The following RBFOX1 variants were observed in gnomAD, a reference collection of about 807,000 sequenced individuals.
RBFOX1 encodes the protein RNA binding protein fox-1 homolog 1.
In RBFOX1, 8 loss-of-function variants were observed where a neutral mutation model predicts 57.7. The ratio of observed to expected loss-of-function variants is 0.14; its 90% confidence interval spans 0.08 to 0.25. The LOEUF is 0.25. Ranked by LOEUF, RBFOX1 falls within the 10% of genes least tolerant of loss-of-function variation. RBFOX1 has a pLI of 1.00. For synonymous variants in RBFOX1, 326 were observed against 222.4 expected (o/e 1.47, Z -4.15); for missense variants, 611 against 548.5 (o/e 1.11, Z -1.14).
At chr16:5,409,303 G>C (rs1486058951) in intron 1 of RBFOX1, among the ~76,000 whole-genome samples, 1 of 152,152 alleles carries the variant, frequency 6.6e-6, no homozygotes, top group Non-Finnish European at 1.5e-5. Flanking sequence ...GAGCCCCCCA[G>C]GTGTGTCCAC....
chr16:6,602,774 G>A (rs957334848), intron 2 of RBFOX1, among the ~76,000 whole-genome samples: 4 of 152,086 alleles, frequency 2.6e-5, no homozygotes, highest in African/African-American at 9.7e-5. Flanking sequence ...CATTCCTCTT[G>A]CTATCATTTA....
At chr16:6,337,399 C>T (rs1388138936) in intron 2 of RBFOX1, among the ~76,000 whole-genome samples, 1 of 152,116 alleles carries the variant, frequency 6.6e-6, no homozygotes, top group Non-Finnish European at 1.5e-5. Flanking sequence ...CAAAGTTGTT[C>T]CAGGATAACC....
chr16:7,324,369 A>G (rs566374447), intron 4 of RBFOX1, among the ~76,000 whole-genome samples: 85 of 150,266 alleles, frequency 5.7e-4, no homozygotes, highest in Admixed American at 3.2e-3. Context: ...CAGCTCCTGT[A>G]GGGTCCTGGA....
At chr16:6,679,908 T>G (rs2058370483) in intron 3 of RBFOX1, among the ~76,000 whole-genome samples, 1 of 133,518 alleles carries the variant, frequency 7.5e-6, no homozygotes, top group African/African-American at 3.0e-5. Flanking sequence ...TTTTTTTTCA[T>G]ACTTTTCTGA....
intron 2 of RBFOX1, among the ~76,000 whole-genome samples, chr16:6,399,307 T>G (rs1000815910): frequency 1.3e-5 from 2 of 152,198 alleles, no homozygotes; most frequent in African/African-American, 4.8e-5. Flanking sequence ...CCTGGAAACA[T>G]TTTCCCCATT....
intron 4 of RBFOX1, among the ~76,000 whole-genome samples, chr16:7,096,525 C>G (rs922303978): frequency 6.6e-6 from 1 of 152,116 alleles, no homozygotes; most frequent in East Asian, 1.9e-4. Context: ...GGCCAATTTT[C>G]TTGCACCTGG....
intron 3 of RBFOX1, among the ~76,000 whole-genome samples, chr16:7,000,724 C>T (rs1243510469): frequency 1.3e-5 from 2 of 151,436 alleles, no homozygotes; most frequent in African/African-American, 2.4e-5. Flanking sequence ...CCTGCCTCAG[C>T]CTCCCAAGTA....
intron 3 of RBFOX1, among the ~76,000 whole-genome samples, chr16:6,905,552 C>CAAAAAA: frequency 7.0e-6 from 1 of 143,358 alleles, no homozygotes. Flanking sequence ...GACTCCATCT[C>CAAAAAA]AAAAAAAAAA....
At chr16:5,495,457 A>G (rs930773830) in intron 2 of RBFOX1, among the ~76,000 whole-genome samples, 6 of 152,180 alleles carry the variant, frequency 3.9e-5, no homozygotes, top group African/African-American at 1.2e-4. Flanking sequence ...ACCTCCTACC[A>G]GGCCTCACCT....
chr16:5,501,677 G>A (rs896758595), intron 2 of RBFOX1, among the ~76,000 whole-genome samples: 2 of 152,114 alleles, frequency 1.3e-5, no homozygotes, highest in Non-Finnish European at 2.9e-5. Flanking sequence ...CACAGTTCAT[G>A]GTGTGTGGGT....
In RBFOX1 at chr16:6,278,944, A is replaced by G. The variant is rs576648392; in HGVS notation, c.-126-38051A>G. Among the ~76,000 whole-genome samples the G allele has an allele frequency of 1.1e-4, 16 of 152,212 alleles. No homozygotes were observed. The East Asian group carries it at 2.5e-3, about 24-fold the overall frequency. On this transcript the variant is annotated intron_variant, in intron 1 of 15. Coordinates refer to ENST00000550418, the MANE Select transcript of RBFOX1 (RefSeq NM_018723.4). ...AAGGTTGAGATATGTCTAACCCGTT[A>G]TGTGAGTTTGAAACAAGGTTTGTGT...
At chr16:7,295,289 A>G (rs1290365688) in intron 4 of RBFOX1, among the ~76,000 whole-genome samples, 1 of 152,206 alleles carries the variant, frequency 6.6e-6, no homozygotes, top group East Asian at 1.9e-4. Context: ...TTACAAAAAG[A>G]AAATTGTATC....
At chr16:7,520,262 G>A (rs922840195) in intron 5 of RBFOX1, among the ~76,000 whole-genome samples, 8 of 152,026 alleles carry the variant, frequency 5.3e-5, no homozygotes, top group Admixed American at 4.6e-4. Context: ...AATTTATTGT[G>A]GTAAAATACA....
At chr16:6,117,749 T>C (rs1404649450) in intron 1 of RBFOX1, among the ~76,000 whole-genome samples, 1 of 152,252 alleles carries the variant, frequency 6.6e-6, no homozygotes, top group Non-Finnish European at 1.5e-5. Context: ...TATTTTGTTA[T>C]AGCTGCACAA....
chr16:6,884,977 T>C (rs1192089366), intron 3 of RBFOX1, among the ~76,000 whole-genome samples: 2 of 152,218 alleles, frequency 1.3e-5, no homozygotes, highest in African/African-American at 2.4e-5. Flanking sequence ...CAGATCTATC[T>C]TATTCTAAAG....
At chr16:5,526,343 C>G (rs1487589412) in intron 2 of RBFOX1, among the ~76,000 whole-genome samples, 1 of 152,122 alleles carries the variant, frequency 6.6e-6, no homozygotes, top group African/African-American at 2.4e-5. Flanking sequence ...GGCTGGAGTG[C>G]AATGGCACAA....
Position 7,112,971 on chromosome 16 carries a change from G to A in RBFOX1, c.27+60873G>A, listed in dbSNP as rs142777497. 1.2e-4 allele frequency among the ~76,000 whole-genome samples: 18 copies of A among 152,252 alleles called. No individual in the cohort carries two copies. In the East Asian group the frequency reaches 2.5e-3, roughly 21 times the overall value. On this transcript the variant is annotated intron_variant, in intron 4 of 15. Transcript: ENST00000550418. ...CAAGTGCTGGCACCCTCTGTAAGGCGCTGCCGAATTGGTTGGTTGTTCTTA... is the reference window on the plus strand; with the variant it reads ...CAAGTGCTGGCACCCTCTGTAAGGCACTGCCGAATTGGTTGGTTGTTCTTA...
chr16:5,399,790 C>T (rs145151260), intron 1 of RBFOX1, among the ~76,000 whole-genome samples: 15 of 151,596 alleles, frequency 9.9e-5, no homozygotes, highest in Non-Finnish European at 1.8e-4. Context: ...ATGACATAAT[C>T]TCATCCCCAG....
intron 3 of RBFOX1, among the ~76,000 whole-genome samples, chr16:6,883,379 C>T (rs887572145): frequency 6.6e-6 from 1 of 152,174 alleles, no homozygotes; most frequent in Non-Finnish European, 1.5e-5. Context: ...AAATCACAGC[C>T]TTTAAAATCA....
Sources: gnomAD v4.1 joint callset for allele counts (sites outside exome capture counted in the v4.1 genomes callset) on GRCh38, gnomAD v4.1.1 for gene constraint, MANE v1.5 for transcripts, NCBI Gene and HGNC (gene_info 2026-07-23, HGNC 2026-07-21) for gene names.